The following PDE10A variants were observed in gnomAD, a reference collection of about 807,000 sequenced individuals.
The protein encoded by PDE10A is cAMP and cAMP-inhibited cGMP 3',5'-cyclic phosphodiesterase 10A.
Under a neutral mutation model 97.7 loss-of-function variants are expected in PDE10A, and 39 were observed. That is an observed-to-expected ratio of 0.40 (90% confidence interval 0.31 to 0.52). The LOEUF is 0.52. PDE10A is among the 20% of genes least tolerant of loss of function. The probability of loss-of-function intolerance (pLI) is 0.56; values close to 1 mark genes in which losing one functional copy is unlikely to be tolerated. For synonymous variants in PDE10A, 371 were observed against 376.8 expected, an observed-to-expected ratio of 0.98 and a Z score of 0.18; for missense variants, 731 against 1,047.8, an observed-to-expected ratio of 0.70 and a Z score of 4.17.
intron 1 of PDE10A, among the ~76,000 whole-genome samples, chr6:165,823,513 T>A (rs1461372723): frequency 8.6e-5 from 11 of 127,716 alleles, no homozygotes; most frequent in Non-Finnish European, 1.5e-4. Context: ...TATATATATA[T>A]ATATATATAT....
In PDE10A at chr6:165,548,903, T is replaced by C. The variant is rs187084575; in HGVS notation, c.866-5335A>G. Among the ~76,000 whole-genome samples the C allele has an allele frequency of 3.3e-5, 5 of 152,272 alleles. No homozygotes were observed. The East Asian group carries it at 7.7e-4, about 24-fold the overall frequency. ...TAACATTCTCCCATGGGTAAACAAC[T>C]AAAAAATAACAGTATTACTACGAAA... On this transcript the variant is annotated intron_variant, in intron 1 of 21. Transcript: ENST00000539869.
chr6:165,849,325 C>T (rs1420037578), intron 1 of PDE10A, among the ~76,000 whole-genome samples: 2 of 152,154 alleles, frequency 1.3e-5, no homozygotes, highest in Non-Finnish European at 2.9e-5. Context: ...TGTTATCGAA[C>T]CCATGTTTAA....
intron 17 of PDE10A, among the ~76,000 whole-genome samples, chr6:165,385,516 C>T (rs187193872): frequency 2.5e-4 from 38 of 152,308 alleles, no homozygotes; most frequent in South Asian, 8.3e-4. Flanking sequence ...CTCACTCTGA[C>T]GGTGAGTTCC....
intron 1 of PDE10A, among the ~76,000 whole-genome samples, chr6:165,864,583 A>C (rs1780988408): frequency 6.6e-6 from 1 of 152,290 alleles, no homozygotes; most frequent in South Asian, 2.1e-4. Flanking sequence ...ACAATTTTTC[A>C]CAGAGTAAAT....
At chr6:165,696,850 T>C (rs1267259706) in intron 1 of PDE10A, among the ~76,000 whole-genome samples, 1 of 151,842 alleles carries the variant, frequency 6.6e-6, no homozygotes, top group African/African-American at 2.4e-5. Flanking sequence ...AGATAAACTA[T>C]GAAAAAGAGC....
At chr6:165,551,300 CCT>C (rs2128329375) in intron 1 of PDE10A, among the ~76,000 whole-genome samples, 1 of 152,246 alleles carries the variant, frequency 6.6e-6, no homozygotes, top group South Asian at 2.1e-4. Context: ...TCTGTATTTA[CCT>C]CTCATGCATT....
At chr6:165,724,746 G>A (rs928713161) in intron 1 of PDE10A, among the ~76,000 whole-genome samples, 1 of 152,210 alleles carries the variant, frequency 6.6e-6, no homozygotes, top group Admixed American at 6.5e-5. Flanking sequence ...TAAGGTAGAA[G>A]GAAATACAGC....
At chr6:165,619,423 T>C (rs1283912912) in intron 1 of PDE10A, among the ~76,000 whole-genome samples, 1 of 129,256 alleles carries the variant, frequency 7.7e-6, no homozygotes, top group Non-Finnish European at 1.7e-5. Flanking sequence ...TGTAGTGTAG[T>C]GTAGTATAGT....
chr6:165,758,207 C>G (rs981361955), intron 1 of PDE10A, among the ~76,000 whole-genome samples: 1 of 152,312 alleles, frequency 6.6e-6, no homozygotes, highest in African/African-American at 2.4e-5. Flanking sequence ...TGGCTCATGC[C>G]TGTAATCCCA....
intron 1 of PDE10A, among the ~76,000 whole-genome samples, chr6:165,619,514 CTAGT>C (rs1787993131): frequency 6.7e-5 from 1 of 14,880 alleles, no homozygotes; most frequent in Non-Finnish European, 1.3e-4. Flanking sequence ...GTAGTGTAGT[CTAGT>C]GTAGTGTAGT....
intron 1 of PDE10A, among the ~76,000 whole-genome samples, chr6:165,839,582 G>C (rs1037330292): frequency 1.3e-5 from 2 of 152,084 alleles, no homozygotes; most frequent in Non-Finnish European, 2.9e-5. Context: ...TCCACAGTGG[G>C]AATTGAAATA....
At chr6:165,765,335 G>C (rs1225858388) in intron 1 of PDE10A, among the ~76,000 whole-genome samples, 1 of 152,236 alleles carries the variant, frequency 6.6e-6, no homozygotes, top group African/African-American at 2.4e-5. Context: ...GTAGAGCAGG[G>C]GGCGGCGCTC....
At chr6:165,886,391 C>A (rs538532333) in intron 1 of PDE10A, among the ~76,000 whole-genome samples, 16 of 151,982 alleles carry the variant, frequency 1.1e-4, no homozygotes, top group South Asian at 6.2e-4. Context: ...GAGCCAGAAG[C>A]CCTGGAGCCC....
intron 3 of PDE10A, among the ~76,000 whole-genome samples, chr6:165,465,704 T>C (rs1382303064): frequency 6.6e-6 from 1 of 152,164 alleles, no homozygotes; most frequent in Non-Finnish European, 1.5e-5. Flanking sequence ...AAGCCCCTTA[T>C]AAAGCCATCA....
At chr6:165,858,979 T>C (rs1780825210) in intron 1 of PDE10A, among the ~76,000 whole-genome samples, 1 of 152,256 alleles carries the variant, frequency 6.6e-6, no homozygotes, top group Non-Finnish European at 1.5e-5. Flanking sequence ...CTACAGCTGA[T>C]GTTCATTGTT....
At chr6:165,535,329 T>C (rs1178660681) in intron 2 of PDE10A, among the ~76,000 whole-genome samples, 1 of 151,844 alleles carries the variant, frequency 6.6e-6, no homozygotes, top group Non-Finnish European at 1.5e-5. Context: ...GCCTAAATAC[T>C]GTAACCTGTA....
chr6:165,693,064 A>T (rs532591843), intron 1 of PDE10A, among the ~76,000 whole-genome samples: 4 of 152,176 alleles, frequency 2.6e-5, no homozygotes, highest in Non-Finnish European at 4.4e-5. Context: ...ATTTTAATTT[A>T]AAAAAAATCA....
intron 2 of PDE10A, among the ~76,000 whole-genome samples, chr6:165,521,855 C>T (rs186136502): frequency 4.2e-4 from 64 of 152,218 alleles, no homozygotes; most frequent in Admixed American, 7.2e-4. Context: ...AGATGATTCA[C>T]GAAGGTAGCT....
At chr6:165,955,022 G>A (rs977000586) in intron 1 of PDE10A, among the ~76,000 whole-genome samples, 4 of 152,098 alleles carry the variant, frequency 2.6e-5, no homozygotes, top group African/African-American at 4.8e-5. Context: ...GGATCTCCTC[G>A]CTGCCCAGGT....
Sources: gnomAD v4.1 joint callset for allele counts (sites outside exome capture counted in the v4.1 genomes callset) on GRCh38, gnomAD v4.1.1 for gene constraint, MANE v1.5 for transcripts, NCBI Gene and HGNC (gene_info 2026-07-23, HGNC 2026-07-21) for gene names.